Variants in LINGO2 observed in about 807,000 individuals in gnomAD.
LINGO2 encodes the protein leucine-rich repeat and immunoglobulin-like domain-containing nogo receptor-interacting protein 2.
LINGO2 carries 14 observed loss-of-function variants against 30.6 expected under a neutral mutation model. The observed-to-expected ratio is 0.46, with a 90% CI of 0.30 to 0.72. The LOEUF is 0.72. Ranked by LOEUF, LINGO2 falls within the 30% of genes least tolerant of loss-of-function variation. The probability of loss-of-function intolerance (pLI) is 0.07; values close to 1 mark genes in which losing one functional copy is unlikely to be tolerated. For missense variants in LINGO2, 729 were observed against 751.7 expected (o/e 0.97, Z 0.35); for synonymous variants, 317 against 288.5 (o/e 1.10, Z -1.00).
chr9:28,017,307 C>T (rs116088729), intron 4 of LINGO2, among the ~76,000 whole-genome samples: 5 of 152,162 alleles, frequency 3.3e-5, no homozygotes, highest in East Asian at 3.9e-4. Flanking sequence ...TTCACTACTC[C>T]TATGCAACAT....
intron 4 of LINGO2, among the ~76,000 whole-genome samples, chr9:28,287,597 C>T (rs146277950): frequency 4.4e-4 from 67 of 152,180 alleles, no homozygotes; most frequent in Admixed American, 3.9e-3. Flanking sequence ...CAGTGCATGC[C>T]GTGTTCTCGA....
chr9:28,986,206 A>G, the LINGO2 span, among the ~76,000 whole-genome samples: 2 of 151,860 alleles, frequency 1.3e-5, no homozygotes, highest in Admixed American at 6.6e-5. Context: ...ATTCTGTTCC[A>G]CTGGCTGATG....
intron 4 of LINGO2, among the ~76,000 whole-genome samples, chr9:28,126,720 T>C (rs913076421): frequency 2.6e-5 from 4 of 152,178 alleles, no homozygotes; most frequent in African/African-American, 9.7e-5. Context: ...AACAAATAAA[T>C]ATCAACTTTA....
the LINGO2 span, among the ~76,000 whole-genome samples, chr9:28,765,923 T>C: frequency 6.6e-6 from 1 of 151,834 alleles, no homozygotes; most frequent in Non-Finnish European, 1.5e-5. Flanking sequence ...AATACAACTG[T>C]CATACACTGC....
intron 4 of LINGO2, among the ~76,000 whole-genome samples, chr9:28,066,140 T>C (rs1825306738): frequency 6.6e-6 from 1 of 152,096 alleles, no homozygotes; most frequent in Admixed American, 6.6e-5. Flanking sequence ...AGCACCCTGT[T>C]ACCTTAATTT....
At chr9:28,969,900 T>C in the LINGO2 span, among the ~76,000 whole-genome samples, 2 of 152,218 alleles carry the variant, frequency 1.3e-5, no homozygotes. Flanking sequence ...TGTTTCTTTG[T>C]AATGAGTTTA....
the LINGO2 span, among the ~76,000 whole-genome samples, chr9:28,745,821 C>T: frequency 6.6e-6 from 1 of 151,912 alleles, no homozygotes; most frequent in Non-Finnish European, 1.5e-5. Context: ...ATGTTTGTGT[C>T]CTGATTCCTA....
chr9:28,302,288 ATC>A (rs1824178148), intron 3 of LINGO2, among the ~76,000 whole-genome samples: 1 of 152,230 alleles, frequency 6.6e-6, no homozygotes, highest in South Asian at 2.1e-4. Flanking sequence ...AGAAACTGTC[ATC>A]TCTCTATATA....
At chr9:28,773,284 G>A in the LINGO2 span, among the ~76,000 whole-genome samples, 21 of 150,654 alleles carry the variant, frequency 1.4e-4, no homozygotes, top group Non-Finnish European at 2.7e-4. Context: ...AGAATGGCGT[G>A]AACCCAGGAG....
At chr9:28,053,376 G>A (rs547951152) in intron 4 of LINGO2, among the ~76,000 whole-genome samples, 21 of 151,606 alleles carry the variant, frequency 1.4e-4, no homozygotes, top group Non-Finnish European at 2.5e-4. Flanking sequence ...ATGCTAAGCA[G>A]AAGCAAGATC....
the LINGO2 span, among the ~76,000 whole-genome samples, chr9:28,836,595 C>T: frequency 1.3e-5 from 2 of 152,142 alleles, no homozygotes; most frequent in Non-Finnish European, 1.5e-5. Flanking sequence ...AGATTATAGG[C>T]ATGAGCCACC....
At chr9:28,343,428 G>C (rs900798630) in intron 3 of LINGO2, among the ~76,000 whole-genome samples, 1 of 152,094 alleles carries the variant, frequency 6.6e-6, no homozygotes, top group African/African-American at 2.4e-5. Flanking sequence ...ATTGAAATTA[G>C]TATAAAAATA....
At chr9:28,273,813 C>G (rs1490939954) in intron 4 of LINGO2, among the ~76,000 whole-genome samples, 1 of 152,132 alleles carries the variant, frequency 6.6e-6, no homozygotes, top group Non-Finnish European at 1.5e-5. Flanking sequence ...GAGAGTAAAT[C>G]TGAAGAAAAC....
chr9:28,924,183 C>T, the LINGO2 span, among the ~76,000 whole-genome samples: 2 of 151,940 alleles, frequency 1.3e-5, no homozygotes, highest in Non-Finnish European at 1.5e-5. Context: ...TTTTTGCCTC[C>T]AGCCTTTGCG....
chr9:28,350,495 TA>T (rs1251592664), intron 3 of LINGO2, among the ~76,000 whole-genome samples: 1 of 148,472 alleles, frequency 6.7e-6, no homozygotes, highest in Admixed American at 6.7e-5. Context: ...CCAAGATTCA[TA>T]AAGCGAGTCC....
the LINGO2 span, among the ~76,000 whole-genome samples, chr9:28,890,771 T>C: frequency 6.6e-6 from 1 of 152,060 alleles, no homozygotes; most frequent in African/African-American, 2.4e-5. Context: ...ATCCTTGAAA[T>C]AGCCTAATCA....
the LINGO2 span, among the ~76,000 whole-genome samples, chr9:29,067,739 C>A: frequency 4.6e-5 from 6 of 130,472 alleles, no homozygotes; most frequent in East Asian, 2.3e-4. Context: ...CAAAGTAAAA[C>A]AAGGAGTATT....
At chr9:28,158,068 G>A (rs1828185002) in intron 4 of LINGO2, among the ~76,000 whole-genome samples, 1 of 152,058 alleles carries the variant, frequency 6.6e-6, no homozygotes, top group Non-Finnish European at 1.5e-5. Context: ...TTACTCTAAT[G>A]TTACCAATTT....
At chr9:28,553,838 G>A (rs1028889015) in intron 1 of LINGO2, among the ~76,000 whole-genome samples, 160 of 151,938 alleles carry the variant, frequency 1.1e-3, no homozygotes, top group Admixed American at 2.1e-3. Flanking sequence ...ACTGGGGGCC[G>A]ATATTCAACA....
Sources: gnomAD v4.1 joint callset for allele counts (sites outside exome capture counted in the v4.1 genomes callset) on GRCh38, gnomAD v4.1.1 for gene constraint, MANE v1.5 for transcripts, NCBI Gene and HGNC (gene_info 2026-07-23, HGNC 2026-07-21) for gene names.